The following TENT4B variants were observed in gnomAD, a reference collection of about 807,000 sequenced individuals.
TENT4B encodes PAP associated domain containing 5.
TENT4B carries 10 observed loss-of-function variants against 75.0 expected under a neutral mutation model. The observed-to-expected ratio is 0.13, with a 90% CI of 0.08 to 0.23. The LOEUF is 0.23. TENT4B is among the 10% of genes least tolerant of loss of function. The pLI is 1.00. For synonymous variants in TENT4B, 350 were observed against 357.7 expected, an observed-to-expected ratio of 0.98 and a Z score of 0.24; for missense variants, 579 against 893.8, an observed-to-expected ratio of 0.65 and a Z score of 4.49.
At chr16:50,158,136 G>T (rs1352510779) in intron 1 of TENT4B, among the ~76,000 whole-genome samples, 5 of 151,844 alleles carry the variant, frequency 3.3e-5, no homozygotes, top group Non-Finnish European at 7.4e-5. Context: ...GCCCAGGCTG[G>T]AGTGTGGTGG....
At position 50,195,361 on chromosome 16, in the gene TENT4B, C is replaced by T. The variant is rs139973034; in HGVS notation, c.639-15962C>T. On this transcript the variant is annotated intron_variant, in intron 1 of 11. Coordinates refer to ENST00000561678, the MANE Select transcript of TENT4B (RefSeq NM_001365324.3). ...CTTTGAAAGCCTAGCATTGAAAGTA[C>T]GAACTTGATTCTTTTGGAGAAATCC... Among the ~76,000 whole-genome samples, 338 of 152,252 alleles carry T rather than the reference C, an allele frequency of 2.2e-3. 2 individuals carry two copies. The Middle Eastern group carries it at 0.024, about 11-fold the overall frequency.
intron 5 of TENT4B, among the ~76,000 whole-genome samples, chr16:50,221,327 T>A (rs1213965472): frequency 6.6e-6 from 1 of 152,258 alleles, no homozygotes; most frequent in Non-Finnish European, 1.5e-5. Context: ...ATGTTGTGCC[T>A]GCTTTGTTTC....
chr16:50,222,840 G>C (rs950407112), intron 6 of TENT4B, among the ~76,000 whole-genome samples: 2 of 152,158 alleles, frequency 1.3e-5, no homozygotes, highest in Non-Finnish European at 2.9e-5. Flanking sequence ...ATTGTAAGTG[G>C]GTATGTTTAT....
intron 2 of TENT4B, among the ~76,000 whole-genome samples, chr16:50,213,797 G>A (rs976219245): frequency 6.6e-5 from 10 of 152,232 alleles, no homozygotes; most frequent in African/African-American, 2.4e-4. Context: ...AACTATTTAG[G>A]TAGCATTTAC....
intron 1 of TENT4B, among the ~76,000 whole-genome samples, chr16:50,189,676 G>A (rs952084019): frequency 1.3e-5 from 2 of 150,594 alleles, no homozygotes; most frequent in African/African-American, 5.0e-5. Flanking sequence ...ATTCCAGGAT[G>A]TAATTCAGCA....
In TENT4B at chr16:50,154,254, C is replaced by G. The variant is rs913924381; in HGVS notation, c.633C>G (p.Val211=). ...AACGGAGGAACTACAACCAGGGAGT[C>G]GTGGGGTGAGTGCTGGCTCTGCGGC... The part of the protein sequence containing the change: ...PWKRRNYNQG[V]VGLHEEISDF... The change falls in exon 1 of 12, where the codon GTC becomes GTG. Residue 211 remains valine (V), a synonymous_variant. Coordinates refer to ENST00000561678, the MANE Select transcript of TENT4B (RefSeq NM_001365324.3). 19 of 1,437,108 alleles carry G rather than the reference C, an allele frequency of 1.3e-5. No homozygotes were observed. The highest frequency in any genetic ancestry group is 1.5e-5 in the Non-Finnish European group (17 of 1,102,258). 89.0% of individuals were successfully genotyped at this position (1,437,108 alleles called of 1,614,324 possible).
At chr16:50,217,269 C>T (rs1327575572) in intron 4 of TENT4B, among the ~76,000 whole-genome samples, 1 of 151,830 alleles carries the variant, frequency 6.6e-6, no homozygotes, top group East Asian at 1.9e-4. Context: ...AACATGTACA[C>T]CTTAAATATA....
intron 1 of TENT4B, among the ~76,000 whole-genome samples, chr16:50,169,757 T>TTGGGATGATTGGTGCCC (rs1471328066): frequency 6.6e-6 from 1 of 152,194 alleles, no homozygotes; most frequent in Non-Finnish European, 1.5e-5. Flanking sequence ...TGAAGTGGGC[T>TTGGGATGATTGGTGCCC]TGGGATGATT....
intron 1 of TENT4B, among the ~76,000 whole-genome samples, chr16:50,184,750 C>T (rs1220108957): frequency 6.6e-5 from 10 of 151,632 alleles, no homozygotes; most frequent in African/African-American, 2.2e-4. Context: ...GTGGGGGGAG[C>T]GGAGGGCACA....
chr16:50,211,704 T>G (rs144780635), intron 2 of TENT4B, among the ~76,000 whole-genome samples: 5 of 152,332 alleles, frequency 3.3e-5, no homozygotes, highest in Middle Eastern at 3.4e-3. Context: ...CAAGCTATCC[T>G]TAGAAATTAT....
chr16:50,165,594 A>C (rs879442558), intron 1 of TENT4B, among the ~76,000 whole-genome samples: 1 of 151,314 alleles, frequency 6.6e-6, no homozygotes, highest in Non-Finnish European at 1.5e-5. Context: ...TCCCTCACAC[A>C]CCCTAACCCT....
chr16:50,206,509 G>T (rs1007938521), intron 1 of TENT4B, among the ~76,000 whole-genome samples: 25 of 152,100 alleles, frequency 1.6e-4, no homozygotes, highest in Admixed American at 3.9e-4. Context: ...TCTGACTTCA[G>T]TTATGGAACT....
chr16:50,190,087 AAAAAAACAAAG>A (rs1241668767), intron 1 of TENT4B, among the ~76,000 whole-genome samples: 2 of 139,972 alleles, frequency 1.4e-5, no homozygotes, highest in Non-Finnish European at 1.6e-5. Context: ...AAAAAAAAAA[AAAAAAACAAAG>A]AAAAGAAAAG....
chr16:50,206,220 A>G (rs750056973), intron 1 of TENT4B, among the ~76,000 whole-genome samples: 1 of 152,166 alleles, frequency 6.6e-6, no homozygotes, highest in Non-Finnish European at 1.5e-5. Context: ...TGTAAACATT[A>G]TCGTTTGTTA....
Position 50,222,967 on chromosome 16 carries a change from C to G in TENT4B, c.1168-207C>G, listed in dbSNP as rs368760067. On this transcript the variant is annotated intron_variant, in intron 6 of 11. Coordinates refer to ENST00000561678, the MANE Select transcript of TENT4B (RefSeq NM_001365324.3). ...GGTGCAGCCGTAAAATTCAGCCTTA[C>G]AAACAGTCTCCCGCCATTCCCGCAC... is the stretch of plus-strand genomic sequence containing the variant. 4.6e-5 allele frequency among the ~76,000 whole-genome samples: 7 copies of G among 152,270 alleles called. No individual in the cohort carries two copies. The East Asian group carries it at 9.7e-4, about 21-fold the overall frequency.
chr16:50,223,178 A>G lies in TENT4B; in HGVS notation c.1172A>G (p.His391Arg). ...TTTCTTCTTTTCTGCTTTTAGTTAC[A>G]TCCCAGGGAAGATGCTTGCATCCCC... The part of the protein sequence containing the change: ...FLMAVSFLQL[H>R]PREDACIPNT... The change falls in exon 7 of 12, where the codon CAT (histidine) becomes CGT (arginine). Residue 391 changes from histidine to arginine, a missense_variant. His to Arg is a conservative substitution (Grantham distance 29). Coordinates refer to ENST00000561678, the MANE Select transcript of TENT4B (RefSeq NM_001365324.3). 1 of 1,585,570 alleles carries G rather than the reference A, an allele frequency of 6.3e-7. No homozygotes were observed. The highest frequency in any genetic ancestry group is 8.6e-7 in the Non-Finnish European group (1 of 1,165,140).
intron 5 of TENT4B, among the ~76,000 whole-genome samples, chr16:50,218,227 A>G (rs1461808770): frequency 6.6e-6 from 1 of 152,158 alleles, no homozygotes; most frequent in African/African-American, 2.4e-5. Flanking sequence ...GAATTCTACT[A>G]CACAGTTGAT....
At chr16:50,193,716 G>T (rs1187429293) in intron 1 of TENT4B, among the ~76,000 whole-genome samples, 1 of 152,176 alleles carries the variant, frequency 6.6e-6, no homozygotes, top group African/African-American at 2.4e-5. Context: ...CCTTCCATAA[G>T]TGTTTGTGGG....
At chr16:50,208,543 A>G (rs536586751) in intron 1 of TENT4B, among the ~76,000 whole-genome samples, 167 of 152,306 alleles carry the variant, frequency 1.1e-3, no homozygotes, top group African/African-American at 3.7e-3. Flanking sequence ...AAAGCTCTGA[A>G]TCATTCATCT....
Sources: gnomAD v4.1 joint callset for allele counts (sites outside exome capture counted in the v4.1 genomes callset) on GRCh38, gnomAD v4.1.1 for gene constraint, MANE v1.5 for transcripts, NCBI Gene and HGNC (gene_info 2026-07-23, HGNC 2026-07-21) for gene names.